PGRMC2: variants seen among roughly 807,000 people sequenced by gnomAD.
The protein encoded by PGRMC2 is membrane-associated progesterone receptor component 2.
PGRMC2 carries 9 observed loss-of-function variants against 19.3 expected under a neutral mutation model. That is an observed-to-expected ratio of 0.47 (90% CI 0.28 to 0.81). The LOEUF (loss-of-function observed/expected upper bound fraction) is 0.81, where lower values mean the gene tolerates loss of function less well. Among genes scored for constraint, PGRMC2 ranks in the 40% least tolerant of loss-of-function variants. The pLI is 0.11. For missense variants in PGRMC2, 289 were observed against 297.3 expected (o/e 0.97, Z 0.21); for synonymous variants, 157 against 124.6 (o/e 1.26, Z -1.73).
In PGRMC2 at chr4:128,269,578, T is replaced by C. The variant is rs1031727304; in HGVS notation, c.*1738A>G. On this transcript the variant is annotated 3_prime_UTR_variant, in exon 3 of 3. Coordinates refer to ENST00000296425, the MANE Select transcript of PGRMC2 (RefSeq NM_006320.6). ...ACTGAATAGAATGTAGTATTTTACA[T>C]ACTTTAGCTTATTGTTGCAGTTAAA... 1 of 152,214 alleles carries C rather than the reference T, an allele frequency of 6.6e-6. No homozygotes were observed. Among genetic ancestry groups the C allele is most frequent in the South Asian group, 2.1e-4 (1 of 4,834 alleles). 9.4% of individuals were successfully genotyped at this position (152,214 alleles called of 1,614,324 possible).
Position 128,270,471 on chromosome 4 carries a change from G to A in PGRMC2, c.*845C>T, listed in dbSNP as rs1240205053. The stretch of plus-strand genomic sequence containing the variant: ...CTTTTACATTCTATATACACAGAAT[G>A]ATATCAAGGTTTTATGGTCAACAGA... On this transcript the variant is annotated 3_prime_UTR_variant, in exon 3 of 3. Transcript: ENST00000296425. The A allele has an allele frequency of 1.3e-5, 2 of 152,582 alleles. No individual in the cohort carries two copies. The highest frequency in any genetic ancestry group is 4.8e-5 in the African/African-American group (2 of 41,428). 9.5% of individuals were successfully genotyped at this position (152,582 alleles called of 1,614,324 possible).
chr4:128,284,167 A>G (rs11940440), intron 1 of PGRMC2, among the ~76,000 whole-genome samples: 3,400 of 152,170 alleles, frequency 0.022, 125 homozygotes, highest in African/African-American at 0.078. Flanking sequence ...ACCAGGGAAG[A>G]GTATAAAGAA....
chr4:128,283,692 C>A (rs1248571020), intron 1 of PGRMC2, among the ~76,000 whole-genome samples: 4 of 145,522 alleles, frequency 2.7e-5, no homozygotes, highest in African/African-American at 5.1e-5. Context: ...GAGTCTCGTT[C>A]TGTCATCCAG....
At chr4:128,285,628 G>A (rs1400170996) in intron 1 of PGRMC2, among the ~76,000 whole-genome samples, 3 of 152,098 alleles carry the variant, frequency 2.0e-5, no homozygotes, top group Non-Finnish European at 4.4e-5. Context: ...AGCTGGGTAA[G>A]GTCTATATTA....
intron 1 of PGRMC2, among the ~76,000 whole-genome samples, chr4:128,273,471 G>A (rs1760762962): frequency 1.3e-5 from 2 of 152,226 alleles, no homozygotes; most frequent in Admixed American, 1.3e-4. Context: ...TCTTCCAAAT[G>A]ACTTAGCTGT....
At chr4:128,280,537 A>C (rs1304320490) in intron 1 of PGRMC2, among the ~76,000 whole-genome samples, 1 of 152,116 alleles carries the variant, frequency 6.6e-6, no homozygotes, top group Non-Finnish European at 1.5e-5. Flanking sequence ...GAGAAACTAC[A>C]AGCCGACTCC....
At chr4:128,282,600 C>T (rs1760924713) in intron 1 of PGRMC2, among the ~76,000 whole-genome samples, 1 of 152,102 alleles carries the variant, frequency 6.6e-6, no homozygotes, top group African/African-American at 2.4e-5. Context: ...CATCAGAAAA[C>T]CTAGCTAATC....
At chr4:128,285,392 G>T (rs1039274827) in intron 1 of PGRMC2, among the ~76,000 whole-genome samples, 2 of 152,172 alleles carry the variant, frequency 1.3e-5, no homozygotes, top group Non-Finnish European at 2.9e-5. Flanking sequence ...GCCTCCCAAA[G>T]CACTGGGATT....
intron 1 of PGRMC2, among the ~76,000 whole-genome samples, chr4:128,279,896 T>A (rs559973112): frequency 6.6e-6 from 1 of 152,308 alleles, no homozygotes; most frequent in Non-Finnish European, 1.5e-5. Context: ...TGGGACTAGT[T>A]GTGGGAAGTA....
intron 1 of PGRMC2, among the ~76,000 whole-genome samples, chr4:128,275,807 C>T (rs78489121): frequency 0.028 from 4,329 of 152,252 alleles, 81 homozygotes; most frequent in Middle Eastern, 0.082. Flanking sequence ...TTCACTGTGG[C>T]CTCTACTTCC....
chr4:128,278,610 C>T (rs181970834), intron 1 of PGRMC2, among the ~76,000 whole-genome samples: 5 of 152,098 alleles, frequency 3.3e-5, no homozygotes, highest in Non-Finnish European at 5.9e-5. Context: ...CAAATTTGGA[C>T]TCTAATTTCA....
intron 1 of PGRMC2, among the ~76,000 whole-genome samples, chr4:128,280,355 A>AG (rs1760889679): frequency 6.8e-6 from 1 of 146,770 alleles, no homozygotes; most frequent in Non-Finnish European, 1.5e-5. Flanking sequence ...TTTTCTGGGA[A>AG]AAAAAAAAAA....
At chr4:128,278,112 C>T (rs1278951244) in intron 1 of PGRMC2, among the ~76,000 whole-genome samples, 1 of 152,172 alleles carries the variant, frequency 6.6e-6, no homozygotes, top group Non-Finnish European at 1.5e-5. Context: ...AAATTAAAAG[C>T]CCAGGCCCGT....
intron 1 of PGRMC2, among the ~76,000 whole-genome samples, chr4:128,281,721 A>T (rs1473932458): frequency 6.6e-6 from 1 of 152,230 alleles, no homozygotes; most frequent in Non-Finnish European, 1.5e-5. Context: ...ATTGACTAAA[A>T]GGGATGGAAA....
Position 128,271,268 on chromosome 4 carries a change from G to GT in PGRMC2, c.*47dup, listed in dbSNP as rs769154378. On this transcript the variant is annotated 3_prime_UTR_variant, in exon 3 of 3. Transcript: ENST00000296425. Reference sequence around the variant, plus strand: ...GACTCCGGACAGTCTGTGAAAGGGAGTAAGAATTGCAGTTCTGAAGGCCCC... The same window carrying GT: ...GACTCCGGACAGTCTGTGAAAGGGAGTTAAGAATTGCAGTTCTGAAGGCCCC... 1.1e-6 allele frequency: 1 copy of GT among 950,570 alleles called. No homozygotes were observed. Among genetic ancestry groups the GT allele is most frequent in the African/African-American group, 1.6e-5 (1 of 61,446 alleles). 58.9% of individuals were successfully genotyped at this position (950,570 alleles called of 1,614,324 possible). A position where few individuals can be genotyped will look rare whatever the true frequency, so the allele number is the denominator to read the frequency against.
Position 128,272,520 on chromosome 4 carries a change from G to A in PGRMC2, c.419-3C>T. 7.1e-7 allele frequency: 1 copy of A among 1,406,964 alleles called. No homozygotes were observed. The highest frequency in any genetic ancestry group is 9.3e-7 in the Non-Finnish European group (1 of 1,076,070). The allele number at this position is 1,406,964 out of a possible 1,614,324, so 87.2% of individuals were successfully genotyped here. On this transcript the variant is annotated splice_polypyrimidine_tract_variant and splice_region_variant and intron_variant, in intron 1 of 2. Coordinates refer to ENST00000296425, the MANE Select transcript of PGRMC2 (RefSeq NM_006320.6). Reference sequence around the variant, plus strand: ...AGCAAATATTCCATATGGACCCGCTGGAAAAAAGAAAATAAATTATTTAGA... The same window carrying A: ...AGCAAATATTCCATATGGACCCGCTAGAAAAAAGAAAATAAATTATTTAGA...
At chr4:128,285,831 T>C (rs1280378090) in intron 1 of PGRMC2, among the ~76,000 whole-genome samples, 1 of 152,204 alleles carries the variant, frequency 6.6e-6, no homozygotes, top group Non-Finnish European at 1.5e-5. Flanking sequence ...AAAAATGTAT[T>C]AACCATTTCA....
At chr4:128,283,216 T>C (rs146366661) in intron 1 of PGRMC2, among the ~76,000 whole-genome samples, 58 of 152,364 alleles carry the variant, frequency 3.8e-4, no homozygotes, top group African/African-American at 1.4e-3. Context: ...TGAAACTGAA[T>C]AGACTATGTT....
At chr4:128,274,516 A>G (rs1453559188) in intron 1 of PGRMC2, among the ~76,000 whole-genome samples, 9 of 107,826 alleles carry the variant, frequency 8.3e-5, no homozygotes, top group Non-Finnish European at 1.4e-4. Context: ...TTCTCCAAAG[A>G]AAAAAAAAAA....
Sources: gnomAD v4.1 joint callset for allele counts (sites outside exome capture counted in the v4.1 genomes callset) on GRCh38, gnomAD v4.1.1 for gene constraint, MANE v1.5 for transcripts, NCBI Gene and HGNC (gene_info 2026-07-23, HGNC 2026-07-21) for gene names.